The following BBS9 variants were observed in gnomAD, a reference collection of about 807,000 sequenced individuals.
BBS9 encodes the protein protein PTHB1.
Under a neutral mutation model 117.7 loss-of-function variants are expected in BBS9, and 89 were observed. The observed-to-expected ratio is 0.76, with a 90% CI of 0.64 to 0.90. BBS9 has a LOEUF of 0.90. Ranked by LOEUF, BBS9 falls within the 40% of genes least tolerant of loss-of-function variation. BBS9 has a pLI of 0.00. For synonymous variants in BBS9, 379 were observed against 370.9 expected (o/e 1.02, Z -0.25); for missense variants, 982 against 1,042.2 (o/e 0.94, Z 0.80).
In BBS9 at chr7:33,260,454, A is replaced by G. The variant is rs151307498; in HGVS notation, c.617+3044A>G. Among the ~76,000 whole-genome samples the G allele has an allele frequency of 8.8e-3, 1,334 of 152,200 alleles. 17 individuals are homozygous for G. The highest frequency in any genetic ancestry group is 0.043 in the South Asian group (209 of 4,818). The stretch of plus-strand genomic sequence containing the variant: ...TCCTAGATATATTACTGCCTAAAAC[A>G]CTGATTTTTGGCTAATGTCATGTAT... On this transcript the variant is annotated intron_variant, in intron 6 of 22. Transcript: ENST00000242067.
chr7:33,386,843 A>G (rs192745499), intron 18 of BBS9, among the ~76,000 whole-genome samples: 46 of 152,152 alleles, frequency 3.0e-4, no homozygotes, highest in African/African-American at 1.1e-3. Flanking sequence ...CAGTGAAGAG[A>G]GTCATTTAGG....
chr7:33,512,796 C>T lies in BBS9; in HGVS notation c.2298+7151C>T, dbSNP rs113719096. Among the ~76,000 whole-genome samples the T allele has an allele frequency of 7.2e-5, 11 of 152,320 alleles. No homozygotes were observed. The South Asian group carries it at 2.1e-3, about 29-fold the overall frequency. On this transcript the variant is annotated intron_variant, in intron 20 of 22. Transcript: ENST00000242067. ...ACCACAACATGTGGCTCTGTGTCTC[C>T]CTGAATCTCCGTGTTCAGTTCATCT... is the stretch of plus-strand genomic sequence containing the variant.
At chr7:33,442,975 A>T (rs561040428) in intron 19 of BBS9, among the ~76,000 whole-genome samples, 11 of 152,006 alleles carry the variant, frequency 7.2e-5, no homozygotes, top group African/African-American at 2.6e-4. Context: ...CTTATATGTC[A>T]TGTATGAAAA....
In BBS9 at chr7:33,605,518, G is replaced by T; in HGVS notation, c.*292G>T. 1 of 421,096 alleles carries T rather than the reference G, an allele frequency of 2.4e-6. No homozygotes were observed. Among genetic ancestry groups the T allele is most frequent in the South Asian group, 3.4e-5 (1 of 29,354 alleles). 26.1% of individuals were successfully genotyped at this position (421,096 alleles called of 1,614,324 possible). On this transcript the variant is annotated 3_prime_UTR_variant, in exon 23 of 23. Coordinates refer to ENST00000242067, the MANE Select transcript of BBS9 (RefSeq NM_198428.3). ...ATACAGTGAAATGACATAGTTTTGG[G>T]TTAGATTTTATAATGCAAAGATTCA...
chr7:33,282,419 CTGGAGTGCAG>C (rs1253224983), intron 9 of BBS9, among the ~76,000 whole-genome samples: 4 of 152,132 alleles, frequency 2.6e-5, no homozygotes, highest in Non-Finnish European at 5.9e-5. Flanking sequence ...GTTGCCCAGA[CTGGAGTGCAG>C]TGGCGTGATC....
chr7:33,592,191 A>C (rs1862036555), intron 21 of BBS9, among the ~76,000 whole-genome samples: 1 of 152,044 alleles, frequency 6.6e-6, no homozygotes, highest in Non-Finnish European at 1.5e-5. Flanking sequence ...ACTTGTAATG[A>C]CTAATATATA....
chr7:33,430,653 C>A (rs1834302190), intron 19 of BBS9, among the ~76,000 whole-genome samples: 1 of 152,166 alleles, frequency 6.6e-6, no homozygotes, highest in Admixed American at 6.5e-5. Flanking sequence ...CTGCTTCTTT[C>A]CTCTATCAAT....
chr7:33,373,274 G>A (rs1489543118), intron 17 of BBS9, among the ~76,000 whole-genome samples: 3 of 152,104 alleles, frequency 2.0e-5, no homozygotes, highest in Admixed American at 6.5e-5. Context: ...ATGGCATTTA[G>A]CTTTTCATCA....
At position 33,505,460 on chromosome 7, in the gene BBS9, C is replaced by T; in HGVS notation, c.2116-3C>T. The T allele has an allele frequency of 6.2e-7, 1 of 1,614,008 alleles. No homozygotes were observed. The highest frequency in any genetic ancestry group is 8.5e-7 in the Non-Finnish European group (1 of 1,179,884). ...CCCTAACCGAAGTTTGTAATATCTG[C>T]AGGTAATTGCTCTAGCAGATGCAGT... On this transcript the variant is annotated splice_polypyrimidine_tract_variant and splice_region_variant and intron_variant, in intron 19 of 22. Coordinates refer to ENST00000242067, the MANE Select transcript of BBS9 (RefSeq NM_198428.3).
At chr7:33,498,507 C>A (rs547194291) in intron 19 of BBS9, among the ~76,000 whole-genome samples, 2 of 152,130 alleles carry the variant, frequency 1.3e-5, no homozygotes, top group Non-Finnish European at 2.9e-5. Flanking sequence ...ACTTCCCATT[C>A]CTCCTATTTA....
At chr7:33,600,106 A>T (rs1863564559) in intron 21 of BBS9, among the ~76,000 whole-genome samples, 1 of 152,224 alleles carries the variant, frequency 6.6e-6, no homozygotes, top group South Asian at 2.1e-4. Context: ...TCTACATATC[A>T]CATTAATTAA....
At chr7:33,628,289 C>G (rs1865735473) in intron 21 of BBS9, among the ~76,000 whole-genome samples, 1 of 151,958 alleles carries the variant, frequency 6.6e-6, no homozygotes, top group Non-Finnish European at 1.5e-5. Context: ...AATACAGATG[C>G]AAAATATTGA....
intron 21 of BBS9, among the ~76,000 whole-genome samples, chr7:33,576,256 C>A (rs1490205981): frequency 6.6e-6 from 1 of 152,072 alleles, no homozygotes; most frequent in African/African-American, 2.4e-5. Flanking sequence ...TTCCTATACA[C>A]CAATAACAGA....
intron 21 of BBS9, among the ~76,000 whole-genome samples, chr7:33,541,701 G>T (rs1004561851): frequency 1.3e-5 from 2 of 152,162 alleles, no homozygotes; most frequent in Non-Finnish European, 2.9e-5. Flanking sequence ...CAGTCAGAAA[G>T]ACCTCATATT....
At chr7:33,197,685 G>A (rs1785158411) in intron 5 of BBS9, among the ~76,000 whole-genome samples, 2 of 151,560 alleles carry the variant, frequency 1.3e-5, no homozygotes, top group Non-Finnish European at 2.9e-5. Context: ...CTTTTGAGTA[G>A]TTTTCAGTTT....
At chr7:33,551,618 G>A (rs1854428705) in intron 21 of BBS9, among the ~76,000 whole-genome samples, 1 of 152,142 alleles carries the variant, frequency 6.6e-6, no homozygotes, top group South Asian at 2.1e-4. Flanking sequence ...TTCAGGCATG[G>A]TTCCAGGTAC....
intron 21 of BBS9, among the ~76,000 whole-genome samples, chr7:33,542,312 T>A (rs1353327929): frequency 6.6e-6 from 1 of 152,146 alleles, no homozygotes. Context: ...CTCGAACTCC[T>A]GACCTCGTGA....
At chr7:33,346,131 C>T (rs1420569521) in intron 12 of BBS9, 1 of 341,436 alleles carries the variant, frequency 2.9e-6, no homozygotes, top group African/African-American at 2.2e-5. Flanking sequence ...ATTGGTGGGA[C>T]TCACACAGCA....
In BBS9 at chr7:33,336,474, T is replaced by C. The variant is rs750615326; in HGVS notation, c.1050T>C (p.Asp350=). ...DLKGVIVTLS[D]DGHLQCSYLG... ...AGGGAGTGATAGTCACTCTGAGTGA[T>C]GATGGTCACTTGCAGTGTTCATACC... The change falls in exon 10 of 23, where the codon GAT becomes GAC. Residue 350 remains aspartate, a synonymous_variant. Coordinates refer to ENST00000242067, the MANE Select transcript of BBS9 (RefSeq NM_198428.3). 1 of 1,613,936 alleles carries C rather than the reference T, an allele frequency of 6.2e-7. No individual in the cohort carries two copies. The highest frequency in any genetic ancestry group is 8.5e-7 in the Non-Finnish European group (1 of 1,179,858).
Sources: gnomAD v4.1 joint callset for allele counts (sites outside exome capture counted in the v4.1 genomes callset) on GRCh38, gnomAD v4.1.1 for gene constraint, MANE v1.5 for transcripts, NCBI Gene and HGNC (gene_info 2026-07-23, HGNC 2026-07-21) for gene names.